NELL1: variants seen among roughly 807,000 people sequenced by gnomAD.
NELL1 encodes protein kinase C-binding protein NELL1.
Under a neutral mutation model 107.4 loss-of-function variants are expected in NELL1, and 76 were observed. The observed-to-expected ratio is 0.71, with a 90% CI of 0.59 to 0.86. The LOEUF is 0.86. NELL1 is among the 40% of genes least tolerant of loss of function. The probability of loss-of-function intolerance (pLI) is 0.00; values close to 1 mark genes in which losing one functional copy is unlikely to be tolerated. For synonymous variants in NELL1, 353 were observed against 341.2 expected (o/e 1.03, Z -0.38); for missense variants, 1,024 against 1,005.5 (o/e 1.02, Z -0.25).
chr11:20,936,878 T>G (rs1382406675), intron 9 of NELL1, among the ~76,000 whole-genome samples: 1 of 152,176 alleles, frequency 6.6e-6, no homozygotes, highest in Non-Finnish European at 1.5e-5. Flanking sequence ...GGTGAGGTGG[T>G]TCTATAAGAC....
chr11:20,898,661 C>G (rs1849805600), intron 5 of NELL1, among the ~76,000 whole-genome samples: 1 of 150,212 alleles, frequency 6.7e-6, no homozygotes, highest in Admixed American at 6.6e-5. Flanking sequence ...GACTAAGATG[C>G]TATTTCACTG....
chr11:21,301,692 G>A (rs958818032), intron 14 of NELL1, among the ~76,000 whole-genome samples: 3 of 152,022 alleles, frequency 2.0e-5, no homozygotes, highest in Non-Finnish European at 4.4e-5. Context: ...CCATTCTGTA[G>A]GTTAACCATT....
At chr11:21,394,032 C>T (rs189648222) in intron 15 of NELL1, among the ~76,000 whole-genome samples, 17 of 151,610 alleles carry the variant, frequency 1.1e-4, no homozygotes, top group Non-Finnish European at 1.5e-4. Context: ...TTATTAGAAA[C>T]GGAAATCAGA....
intron 2 of NELL1, among the ~76,000 whole-genome samples, chr11:20,704,464 C>G (rs1352792177): frequency 6.6e-6 from 1 of 152,114 alleles, no homozygotes; most frequent in Non-Finnish European, 1.5e-5. Context: ...ATCCAATTTG[C>G]CAGTCTGTGT....
chr11:20,864,064 C>T (rs1032236120), intron 4 of NELL1, among the ~76,000 whole-genome samples: 1 of 151,896 alleles, frequency 6.6e-6, no homozygotes, highest in Non-Finnish European at 1.5e-5. Flanking sequence ...AGCAGCACAG[C>T]CCAGCCTCGG....
intron 15 of NELL1, among the ~76,000 whole-genome samples, chr11:21,419,059 C>T (rs193138127): frequency 4.6e-4 from 70 of 152,208 alleles, no homozygotes; most frequent in Admixed American, 3.9e-3. Flanking sequence ...GACACTTGTT[C>T]ACATTTGCCT....
chr11:20,750,672 G>T (rs1856112571), intron 2 of NELL1, among the ~76,000 whole-genome samples: 1 of 151,890 alleles, frequency 6.6e-6, no homozygotes, highest in Non-Finnish European at 1.5e-5. Context: ...CTGTACCCTT[G>T]AATTCTTGGG....
intron 4 of NELL1, among the ~76,000 whole-genome samples, chr11:20,866,021 C>A (rs1310027558): frequency 6.6e-6 from 1 of 152,140 alleles, no homozygotes; most frequent in African/African-American, 2.4e-5. Context: ...ATGGGGATGG[C>A]AGTCATTCTT....
At chr11:21,387,147 A>C (rs895469806) in intron 15 of NELL1, among the ~76,000 whole-genome samples, 3 of 151,818 alleles carry the variant, frequency 2.0e-5, no homozygotes, top group Admixed American at 6.6e-5. Flanking sequence ...CTCCATATAT[A>C]TCCAGGATTC....
intron 15 of NELL1, among the ~76,000 whole-genome samples, chr11:21,434,464 A>G (rs1279743657): frequency 1.3e-5 from 2 of 152,046 alleles, no homozygotes; most frequent in Admixed American, 6.6e-5. Flanking sequence ...TACCCAATAT[A>G]TATTCTTGGT....
intron 2 of NELL1, among the ~76,000 whole-genome samples, chr11:20,685,323 A>C (rs749115450): frequency 2.6e-5 from 4 of 152,082 alleles, no homozygotes; most frequent in Non-Finnish European, 5.9e-5. Context: ...AATTAAAATT[A>C]ATTAAAATTA....
intron 12 of NELL1, among the ~76,000 whole-genome samples, chr11:21,012,340 C>A (rs1852465792): frequency 1.3e-5 from 2 of 152,136 alleles, no homozygotes; most frequent in African/African-American, 4.8e-5. Context: ...CCATTCAAGA[C>A]CACACAGTTT....
chr11:21,329,688 TTTTTTGTGTAATG>T (rs1388758451), intron 14 of NELL1, among the ~76,000 whole-genome samples: 2 of 152,158 alleles, frequency 1.3e-5, no homozygotes, highest in Non-Finnish European at 2.9e-5. Context: ...AGGTAAATGC[TTTTTTGTGTAATG>T]TTTTAATTAC....
chr11:20,824,870 T>A (rs2134029075), intron 3 of NELL1, among the ~76,000 whole-genome samples: 1 of 151,444 alleles, frequency 6.6e-6, no homozygotes, highest in African/African-American at 2.4e-5. Context: ...AAATCCATTT[T>A]GGGGAGAAAT....
intron 11 of NELL1, among the ~76,000 whole-genome samples, chr11:20,955,140 G>A (rs1564984237): frequency 6.6e-6 from 1 of 152,106 alleles, no homozygotes; most frequent in Non-Finnish European, 1.5e-5. Context: ...GTACCCCTTT[G>A]GTAGGAAAAA....
chr11:21,116,543 G>A (rs986442768), intron 13 of NELL1, among the ~76,000 whole-genome samples: 1 of 151,924 alleles, frequency 6.6e-6, no homozygotes, highest in African/African-American at 2.4e-5. Flanking sequence ...GGATAAGACA[G>A]AACTTGATTT....
chr11:21,347,023 A>G (rs1206199557), intron 14 of NELL1, among the ~76,000 whole-genome samples: 2 of 152,222 alleles, frequency 1.3e-5, no homozygotes, highest in Non-Finnish European at 2.9e-5. Context: ...TATGTGCTCT[A>G]TAAACTTAAC....
chr11:20,976,519 AT>A (rs1436470861), intron 12 of NELL1, among the ~76,000 whole-genome samples: 1 of 152,094 alleles, frequency 6.6e-6, no homozygotes, highest in African/African-American at 2.4e-5. Flanking sequence ...AGTTTATTCC[AT>A]TTTTCCTAAG....
chr11:21,286,829 T>C (rs947947385), intron 14 of NELL1, among the ~76,000 whole-genome samples: 7 of 152,240 alleles, frequency 4.6e-5, no homozygotes, highest in Non-Finnish European at 7.3e-5. Flanking sequence ...TTGTCCTTTG[T>C]AGTCTGTAAC....
Sources: gnomAD v4.1 joint callset for allele counts (sites outside exome capture counted in the v4.1 genomes callset) on GRCh38, gnomAD v4.1.1 for gene constraint, MANE v1.5 for transcripts, NCBI Gene and HGNC (gene_info 2026-07-23, HGNC 2026-07-21) for gene names.